The following DAPK2 variants were observed in gnomAD, a reference collection of about 807,000 sequenced individuals.
DAPK2 encodes the protein death-associated protein kinase 2.
Under a neutral mutation model 44.1 loss-of-function variants are expected in DAPK2, and 35 were observed. That is an observed-to-expected ratio of 0.79 (90% CI 0.61 to 1.05). DAPK2 has a LOEUF of 1.05. DAPK2 is among the 50% of genes least tolerant of loss of function. DAPK2 has a pLI of 0.00. For synonymous variants in DAPK2, 174 were observed against 182.6 expected (o/e 0.95, Z 0.38); for missense variants, 453 against 483.2 (o/e 0.94, Z 0.59).
intron 8 of DAPK2, chr15:63,921,325 T>G (rs954018192): frequency 6.6e-6 from 1 of 152,262 alleles, no homozygotes; most frequent in African/African-American, 2.4e-5. Context: ...TCTCTACTTT[T>G]GCCATAATGA....
chr15:63,939,245 C>T lies in DAPK2; in HGVS notation c.570G>A (p.Thr190=), dbSNP rs1350139880. The stretch of plus-strand genomic sequence containing the variant: ...CCTACAACTCACCAACAAATTCCGG[C>T]GTCCCAAAAATATTCTTAAATTCAA... Residue 190 remains threonine (T), a synonymous_variant, in exon 4 of 11, where the codon ACG becomes ACA. Transcript: ENST00000261891. This position sits in a 1 kb window ranked among gnomAD's most constrained non-coding sequence, Gnocchi z 4.3. The T allele has an allele frequency of 1.2e-5, 19 of 1,613,832 alleles. No individual in the cohort carries two copies. Among genetic ancestry groups the T allele is most frequent in the South Asian group, 2.2e-5 (2 of 91,038 alleles).
chr15:63,951,053 T>C (rs950237851), intron 3 of DAPK2, among the ~76,000 whole-genome samples: 27 of 151,970 alleles, frequency 1.8e-4, no homozygotes, highest in African/African-American at 6.5e-4. Flanking sequence ...ATAAAGCAAT[T>C]CCCCCCTCCC....
intron 8 of DAPK2, chr15:63,921,839 C>T (rs1396504907): frequency 1.3e-5 from 2 of 152,192 alleles, no homozygotes; most frequent in Non-Finnish European, 2.9e-5. Flanking sequence ...TGCTTGCAGG[C>T]TGGTCTTCAG....
intron 1 of DAPK2, among the ~76,000 whole-genome samples, chr15:64,036,307 G>GTATATATATATATATATATATATA (rs1233918566): frequency 1.9e-5 from 1 of 53,140 alleles, no homozygotes; most frequent in Non-Finnish European, 5.3e-5. Flanking sequence ...GTGTGTGTGT[G>GTATATATATATATATATATATATA]TGTATATATA....
intron 3 of DAPK2, among the ~76,000 whole-genome samples, chr15:63,967,368 C>A (rs190650396): frequency 1.3e-5 from 2 of 151,982 alleles, no homozygotes; most frequent in African/African-American, 2.4e-5. Flanking sequence ...CCTGTTTTTA[C>A]CAATACTGCT....
At chr15:63,977,992 C>G (rs2078400226) in intron 2 of DAPK2, among the ~76,000 whole-genome samples, 1 of 152,234 alleles carries the variant, frequency 6.6e-6, no homozygotes. Flanking sequence ...CATCCACGCT[C>G]TCCTCACAGT....
intron 3 of DAPK2, among the ~76,000 whole-genome samples, chr15:63,962,564 C>A (rs1164908814): frequency 6.6e-6 from 1 of 152,212 alleles, no homozygotes; most frequent in Middle Eastern, 3.2e-3. Flanking sequence ...AGTTTTCCTT[C>A]TAACAATCAG....
intron 1 of DAPK2, among the ~76,000 whole-genome samples, chr15:63,989,700 TACAC>T (rs1490198220): frequency 6.6e-6 from 1 of 152,162 alleles, no homozygotes; most frequent in African/African-American, 2.4e-5. Flanking sequence ...CACACATACA[TACAC>T]ACGCACATAC....
At chr15:63,940,418 G>A (rs2077275342) in intron 3 of DAPK2, among the ~76,000 whole-genome samples, 1 of 152,016 alleles carries the variant, frequency 6.6e-6, no homozygotes, top group South Asian at 2.1e-4. Context: ...AAATAAAAAG[G>A]AATGAAGTAC....
At chr15:63,956,027 T>G (rs2077712664) in intron 3 of DAPK2, among the ~76,000 whole-genome samples, 1 of 152,230 alleles carries the variant, frequency 6.6e-6, no homozygotes, top group Non-Finnish European at 1.5e-5. Flanking sequence ...CCTGGTAGGT[T>G]GTACCTGTCT....
At chr15:63,930,948 G>A (rs947337419) in intron 4 of DAPK2, among the ~76,000 whole-genome samples, 12 of 152,062 alleles carry the variant, frequency 7.9e-5, no homozygotes, top group Non-Finnish European at 1.8e-4. Flanking sequence ...GCAGTCCCAG[G>A]TACTTGGGAA....
intron 2 of DAPK2, among the ~76,000 whole-genome samples, chr15:63,983,151 G>A (rs533681605): frequency 2.6e-5 from 4 of 152,074 alleles, no homozygotes; most frequent in Non-Finnish European, 5.9e-5. Context: ...CACAGCCCTC[G>A]CTGACAGCCT....
intron 1 of DAPK2, chr15:63,991,314 G>C: frequency 2.2e-6 from 1 of 456,312 alleles, no homozygotes; most frequent in Non-Finnish European, 4.4e-6. Flanking sequence ...GTCAGCAGCA[G>C]GTGGAGAGTC....
chr15:63,922,303 C>G (rs1419318528), intron 8 of DAPK2: 2 of 993,750 alleles, frequency 2.0e-6, no homozygotes, highest in Admixed American at 5.5e-5. Context: ...GCTTCTGTAG[C>G]AGGAAAGCAC....
intron 3 of DAPK2, among the ~76,000 whole-genome samples, chr15:63,944,992 C>A (rs1450704160): frequency 1.3e-5 from 2 of 152,168 alleles, no homozygotes; most frequent in African/African-American, 4.8e-5. Flanking sequence ...ATTTTCAGAG[C>A]CTCTTCCCCC....
chr15:63,939,231 C>G lies in DAPK2; in HGVS notation c.583+1G>C, dbSNP rs768566447. 6.2e-7 allele frequency: 1 copy of G among 1,613,564 alleles called. No individual in the cohort carries two copies. The highest frequency in any genetic ancestry group is 8.5e-7 in the Non-Finnish European group (1 of 1,179,826). ...GAAAGACAAACAGGCCTACAACTCA[C>G]CAACAAATTCCGGCGTCCCAAAAAT... On this transcript the variant is annotated splice_donor_variant, in intron 4 of 10. Transcript: ENST00000261891. LOFTEE classifies it high-confidence loss of function. This position sits in a 1 kb window ranked among gnomAD's most constrained non-coding sequence, Gnocchi z 4.3.
intron 3 of DAPK2, among the ~76,000 whole-genome samples, chr15:63,940,945 A>C (rs2077290550): frequency 1.3e-5 from 2 of 152,074 alleles, no homozygotes; most frequent in African/African-American, 4.8e-5. Context: ...GGGGAGTACA[A>C]GGTTTCTTTT....
At chr15:63,961,862 T>G (rs2077910331) in intron 3 of DAPK2, among the ~76,000 whole-genome samples, 1 of 152,232 alleles carries the variant, frequency 6.6e-6, no homozygotes, top group Admixed American at 6.5e-5. Context: ...TGGCGTTCTC[T>G]GTATTTCCTG....
rs1331139139 is a variant in DAPK2, at chr15:63,966,650, T to C, written c.453+4773A>G. Among the ~76,000 whole-genome samples the C allele has an allele frequency of 6.6e-6, 1 of 152,244 alleles. No individual in the cohort carries two copies. Among genetic ancestry groups the C allele is most frequent in the Non-Finnish European group, 1.5e-5 (1 of 68,036 alleles). On this transcript the variant is annotated intron_variant, in intron 3 of 10. Transcript: ENST00000261891. The surrounding 1 kb of genome is among the most constrained non-coding windows in gnomAD (Gnocchi z 5.5). ...CTCCTCTGTCTAGGGCTAGTCTAAA[T>C]GCTCCTTCCATGGGTTCCAGCGGGG...
Sources: gnomAD v4.1 joint callset for allele counts (sites outside exome capture counted in the v4.1 genomes callset) on GRCh38, gnomAD v4.1.1 for gene constraint, Gnocchi (gnomAD v3.1) non-coding constraint, MANE v1.5 for transcripts, NCBI Gene and HGNC (gene_info 2026-07-23, HGNC 2026-07-21) for gene names.